DPYD: variants seen among roughly 807,000 people sequenced by gnomAD.
DPYD encodes dihydropyrimidine dehydrogenase.
DPYD carries 109 observed loss-of-function variants against 116.2 expected under a neutral mutation model. That is an observed-to-expected ratio of 0.94 (90% CI 0.80 to 1.10). The LOEUF is 1.10. DPYD is among the 50% of genes least tolerant of loss of function. DPYD has a pLI of 0.00. For synonymous variants in DPYD, 440 were observed against 432.0 expected, an observed-to-expected ratio of 1.02 and a Z score of -0.23; for missense variants, 1,302 against 1,254.5, an observed-to-expected ratio of 1.04 and a Z score of -0.57.
intron 16 of DPYD, among the ~76,000 whole-genome samples, chr1:97,336,397 C>A (rs1054857157): frequency 6.6e-6 from 1 of 152,156 alleles, no homozygotes. Flanking sequence ...TCGATACCTA[C>A]TAGGTTCTCA....
At chr1:97,192,091 T>TA (rs78874599) in intron 20 of DPYD, among the ~76,000 whole-genome samples, 18,426 of 152,062 alleles carry the variant, frequency 0.12, 1,401 homozygotes, top group East Asian at 0.39. Context: ...CTTGCAACCA[T>TA]ACACATTACT....
At position 97,654,465 on chromosome 1, in the gene DPYD, A is replaced by G. The variant is rs546100561; in HGVS notation, c.850+24630T>C. Among the ~76,000 whole-genome samples, 6 of 152,280 alleles carry G rather than the reference A, an allele frequency of 3.9e-5. No individual in the cohort carries two copies. The East Asian group carries it at 1.2e-3, about 29-fold the overall frequency. Reference sequence around the variant, plus strand: ...AAAAGATACAAGATTTCATTATGGGACCCTTTAATATTCATAAAAGTTCAG... The same window carrying G: ...AAAAGATACAAGATTTCATTATGGGGCCCTTTAATATTCATAAAAGTTCAG... On this transcript the variant is annotated intron_variant, in intron 8 of 22. Transcript: ENST00000370192.
chr1:97,890,803 T>C (rs1672735384), intron 1 of DPYD, among the ~76,000 whole-genome samples: 2 of 151,972 alleles, frequency 1.3e-5, no homozygotes, highest in African/African-American at 4.8e-5. Context: ...ATAATCCATA[T>C]TGTGATAAAT....
At chr1:97,517,210 T>A (rs1355488902) in intron 12 of DPYD, among the ~76,000 whole-genome samples, 2 of 152,046 alleles carry the variant, frequency 1.3e-5, no homozygotes, top group Non-Finnish European at 2.9e-5. Context: ...GCAGGCACCT[T>A]CTCCCAGGGA....
rs1028797143 is a variant in DPYD, at chr1:97,482,902, C to T, written c.1741-32679G>A. 3.9e-5 allele frequency among the ~76,000 whole-genome samples: 6 copies of T among 152,256 alleles called. No individual in the cohort carries two copies. The South Asian group carries it at 1.2e-3, about 32-fold the overall frequency. ...ACACATTTTCAGTTAAATCTAAACT[C>T]ATTATATTTTATGTTTGTAGCTATA... On this transcript the variant is annotated intron_variant, in intron 13 of 22. Transcript: ENST00000370192.
In DPYD at chr1:97,897,946, C is replaced by T. The variant is rs529458744; in HGVS notation, c.40-14572G>A. ...TACCATATTGGGTACATGATATTTT[C>T]GCATTCCTATAAATGTTTTTGAGTT... On this transcript the variant is annotated intron_variant, in intron 1 of 22. Coordinates refer to ENST00000370192, the MANE Select transcript of DPYD (RefSeq NM_000110.4). Among the ~76,000 whole-genome samples the T allele has an allele frequency of 4.7e-4, 71 of 151,768 alleles. No homozygotes were observed. The South Asian group carries it at 0.013, about 27-fold the overall frequency.
At chr1:97,285,265 T>A (rs1022817268) in intron 18 of DPYD, among the ~76,000 whole-genome samples, 3 of 152,186 alleles carry the variant, frequency 2.0e-5, no homozygotes, top group African/African-American at 4.8e-5. Context: ...AGGCATTGCT[T>A]CCAACAACTG....
chr1:97,564,435 C>T (rs1043550879), intron 11 of DPYD, among the ~76,000 whole-genome samples: 1 of 152,252 alleles, frequency 6.6e-6, no homozygotes, highest in South Asian at 2.1e-4. Flanking sequence ...GCTACAACAC[C>T]TTTCATTAAT....
intron 12 of DPYD, among the ~76,000 whole-genome samples, chr1:97,523,045 CT>C (rs2101996828): frequency 1.3e-5 from 2 of 152,248 alleles, no homozygotes; most frequent in East Asian, 3.9e-4. Context: ...CCCTCCCTCC[CT>C]TCCCATTGTA....
chr1:97,168,669 T>G (rs1165604513), intron 20 of DPYD, among the ~76,000 whole-genome samples: 1 of 152,136 alleles, frequency 6.6e-6, no homozygotes. Flanking sequence ...TTTTCCTTAT[T>G]TAGATTTTTT....
intron 20 of DPYD, among the ~76,000 whole-genome samples, chr1:97,179,777 C>T (rs1242132895): frequency 6.6e-6 from 1 of 152,058 alleles, no homozygotes; most frequent in Non-Finnish European, 1.5e-5. Context: ...CTATGAAGCA[C>T]AGAACTATTA....
chr1:97,306,278 T>TTCC lies in DPYD; in HGVS notation c.2075_2077dup (p.Arg692dup). ...AGCTTGCCTAACCCAGCGGCAGATGTTCCGCACCAGCTCTGGATCCTGTTC... is the reference window on the plus strand; with the variant it reads ...AGCTTGCCTAACCCAGCGGCAGATGTTCCTCCGCACCAGCTCTGGATCCTGTTC... On this transcript the variant is annotated inframe_insertion, in exon 17 of 23. Transcript: ENST00000370192. 9 of 1,612,346 alleles carry TTCC rather than the reference T, an allele frequency of 5.6e-6. No individual in the cohort carries two copies. The highest frequency in any genetic ancestry group is 7.6e-6 in the Non-Finnish European group (9 of 1,178,788).
intron 4 of DPYD, among the ~76,000 whole-genome samples, chr1:97,724,953 A>AAGAGAGAGAGAGAGAGAGAG (rs71590231): frequency 6.7e-5 from 8 of 118,914 alleles, no homozygotes; most frequent in East Asian, 5.3e-4. Flanking sequence ...GAGGGAAGGA[A>AAGAGAGAGAGAGAGAGAGAG]AGAGAGAGAG....
intron 10 of DPYD, among the ~76,000 whole-genome samples, chr1:97,590,865 C>A (rs1319130955): frequency 6.6e-6 from 1 of 152,238 alleles, no homozygotes; most frequent in East Asian, 1.9e-4. Flanking sequence ...ATAGTCAATT[C>A]TCAGCAGAGT....
chr1:97,184,847 T>C (rs1471687892), intron 20 of DPYD, among the ~76,000 whole-genome samples: 1 of 151,706 alleles, frequency 6.6e-6, no homozygotes, highest in East Asian at 1.9e-4. Flanking sequence ...TGCAAGCCCA[T>C]TTTTTTCCAA....
intron 7 of DPYD, among the ~76,000 whole-genome samples, 195 bp from the exon 8 acceptor site, chr1:97,679,377 A>T (rs1204833326): frequency 6.6e-6 from 1 of 152,182 alleles, no homozygotes; most frequent in Non-Finnish European, 1.5e-5. Context: ...AACATGTTCT[A>T]TTAAGGGCTA....
chr1:97,361,348 G>T (rs970936322), intron 16 of DPYD, among the ~76,000 whole-genome samples: 5 of 152,172 alleles, frequency 3.3e-5, no homozygotes, highest in Non-Finnish European at 7.3e-5. Flanking sequence ...GGACCAGACA[G>T]ATTCACAGCC....
At chr1:97,398,706 G>C (rs1026025008) in intron 14 of DPYD, among the ~76,000 whole-genome samples, 10 of 152,138 alleles carry the variant, frequency 6.6e-5, no homozygotes, top group Non-Finnish European at 1.2e-4. Context: ...GTGATGATGA[G>C]CATTTTTTCA....
chr1:97,874,146 T>G (rs1361204441), intron 2 of DPYD, among the ~76,000 whole-genome samples: 1 of 151,962 alleles, frequency 6.6e-6, no homozygotes, highest in Non-Finnish European at 1.5e-5. Context: ...TTTGAGATAC[T>G]GTTACAGAGT....
Sources: gnomAD v4.1 joint callset for allele counts (sites outside exome capture counted in the v4.1 genomes callset) on GRCh38, gnomAD v4.1.1 for gene constraint, MANE v1.5 for transcripts, NCBI Gene and HGNC (gene_info 2026-07-23, HGNC 2026-07-21) for gene names.